SLIT3: variants seen among roughly 807,000 people sequenced by gnomAD.
SLIT3 encodes slit homolog 3 protein.
Under a neutral mutation model 184.0 loss-of-function variants are expected in SLIT3, and 68 were observed. The observed-to-expected ratio is 0.37, with a 90% CI of 0.30 to 0.45. SLIT3 has a LOEUF of 0.45. Ranked by LOEUF, SLIT3 falls within the 20% of genes least tolerant of loss-of-function variation. SLIT3 has a pLI of 1.00. For missense variants in SLIT3, 1,707 were observed against 2,026.0 expected (o/e 0.84, Z 3.02); for synonymous variants, 831 against 828.6 (o/e 1.00, Z -0.05).
chr5:168,802,536 G>A (rs113731086), intron 9 of SLIT3, among the ~76,000 whole-genome samples: 6 of 152,204 alleles, frequency 3.9e-5, no homozygotes, highest in African/African-American at 1.4e-4. Flanking sequence ...CGCAGGGGCA[G>A]TCTTATTTAC....
intron 4 of SLIT3, among the ~76,000 whole-genome samples, chr5:168,966,081 T>C (rs555678669): frequency 2.0e-5 from 3 of 152,350 alleles, no homozygotes; most frequent in South Asian, 4.1e-4. Flanking sequence ...GATTGTGAAT[T>C]TTATTACCTT....
chr5:169,224,756 G>C (rs549056062), intron 3 of SLIT3, among the ~76,000 whole-genome samples: 4 of 152,190 alleles, frequency 2.6e-5, no homozygotes, highest in African/African-American at 9.6e-5. Flanking sequence ...GTGCGATCTT[G>C]GCTCACTGCA....
Position 168,737,297 on chromosome 5 carries a change from C to A in SLIT3, c.2270+11005G>T, listed in dbSNP as rs563233233. ...ACCTCCATCCCCTAACTCCTTGGAA[C>A]CCACACAGTGCCAGGCCAGGTCCTT... On this transcript the variant is annotated intron_variant, in intron 20 of 35. Coordinates refer to ENST00000519560, the MANE Select transcript of SLIT3 (RefSeq NM_003062.4). Among the ~76,000 whole-genome samples the A allele has an allele frequency of 4.1e-4, 63 of 152,274 alleles. 1 individual carries two copies. Among genetic ancestry groups the A allele is most frequent in the African/African-American group, 1.5e-3 (61 of 41,552 alleles).
At chr5:168,957,929 A>G (rs1776945995) in intron 4 of SLIT3, among the ~76,000 whole-genome samples, 1 of 152,164 alleles carries the variant, frequency 6.6e-6, no homozygotes, top group South Asian at 2.1e-4. Flanking sequence ...AGTTTGGTTA[A>G]TGAAACATCA....
intron 4 of SLIT3, among the ~76,000 whole-genome samples, chr5:169,192,993 C>T (rs1458742401): frequency 6.6e-6 from 1 of 152,162 alleles, no homozygotes; most frequent in Non-Finnish European, 1.5e-5. Context: ...CCCACAAAAT[C>T]ATAAACCCCC....
chr5:169,048,418 A>G (rs1757698626), intron 4 of SLIT3, among the ~76,000 whole-genome samples: 1 of 152,208 alleles, frequency 6.6e-6, no homozygotes, highest in Middle Eastern at 3.2e-3. Context: ...CTTTTACTGA[A>G]TAGAGTCCTC....
chr5:168,805,018 C>T (rs556305044), intron 9 of SLIT3, among the ~76,000 whole-genome samples: 32 of 152,312 alleles, frequency 2.1e-4, no homozygotes, highest in African/African-American at 6.3e-4. Context: ...TTGGTTCTCT[C>T]GCTTATTTCA....
chr5:169,205,576 T>G (rs1401964859), intron 3 of SLIT3, among the ~76,000 whole-genome samples: 1 of 152,180 alleles, frequency 6.6e-6, no homozygotes, highest in Non-Finnish European at 1.5e-5. Context: ...TGTTGGTTAG[T>G]TGGTTGGTTC....
rs567280968 is a variant in SLIT3, at chr5:168,789,707, C to A, written c.1008-76G>T. 24 of 1,005,884 alleles carry A rather than the reference C, an allele frequency of 2.4e-5. No homozygotes were observed. The African/African-American group carries it at 3.3e-4, about 14-fold the overall frequency. The allele number at this position is 1,005,884 out of a possible 1,614,324, so 62.3% of individuals were successfully genotyped here. A position where few individuals can be genotyped will look rare whatever the true frequency, so the allele number is the denominator to read the frequency against. On this transcript the variant is annotated intron_variant, in intron 10 of 35. Transcript: ENST00000519560. ...CGGTCACTCCTAAGTGTGAATCAAG[C>A]ATTTCAGACATTCAAAATGGTAAGG...
At chr5:169,080,766 G>T (rs1330949111) in intron 4 of SLIT3, among the ~76,000 whole-genome samples, 1 of 152,136 alleles carries the variant, frequency 6.6e-6, no homozygotes, top group East Asian at 1.9e-4. Context: ...GTCCTCAGCT[G>T]GCTGCCTTTC....
intron 3 of SLIT3, among the ~76,000 whole-genome samples, chr5:169,235,738 T>C (rs1184350911): frequency 6.6e-6 from 1 of 152,236 alleles, no homozygotes; most frequent in Non-Finnish European, 1.5e-5. Context: ...AGGTATTTTT[T>C]ATGAAGTTTC....
Position 169,300,036 on chromosome 5 carries a change from G to C in SLIT3, c.197+477C>G, listed in dbSNP as rs1366990829. ...ACTCTCAACTTTCCTTGCAAGGGCA[G>C]CCAGAGAGCGGCTGGCCCATTCTGA... On this transcript the variant is annotated intron_variant, in intron 1 of 35. Transcript: ENST00000519560. The surrounding 1 kb of genome is among the most constrained non-coding windows in gnomAD (Gnocchi z 4.1). 6.6e-6 allele frequency among the ~76,000 whole-genome samples: 1 copy of C among 152,210 alleles called. No individual in the cohort carries two copies. Among genetic ancestry groups the C allele is most frequent in the Non-Finnish European group, 1.5e-5 (1 of 68,042 alleles).
chr5:169,015,442 C>A (rs182534725), intron 4 of SLIT3, among the ~76,000 whole-genome samples: 126 of 152,298 alleles, frequency 8.3e-4, no homozygotes, highest in Middle Eastern at 3.4e-3. Context: ...GACCAATATG[C>A]ATGCATTTGT....
intron 6 of SLIT3, among the ~76,000 whole-genome samples, chr5:168,835,965 AC>A (rs1758038704): frequency 1.3e-5 from 2 of 152,154 alleles, no homozygotes; most frequent in South Asian, 4.1e-4. Flanking sequence ...TCCATCCCTT[AC>A]TTTTTAATAC....
chr5:168,830,084 C>T (rs958399317), intron 6 of SLIT3, among the ~76,000 whole-genome samples: 4 of 152,148 alleles, frequency 2.6e-5, no homozygotes, highest in Non-Finnish European at 5.9e-5. Flanking sequence ...CCAGGCCCTA[C>T]GACACTCAGG....
intron 4 of SLIT3, among the ~76,000 whole-genome samples, chr5:168,927,312 A>T (rs1387783209): frequency 6.6e-6 from 1 of 152,168 alleles, no homozygotes; most frequent in Non-Finnish European, 1.5e-5. Flanking sequence ...GAGTACCTAG[A>T]GTAGCCAAAT....
chr5:169,111,640 T>A (rs139409934), intron 4 of SLIT3, among the ~76,000 whole-genome samples: 2 of 152,196 alleles, frequency 1.3e-5, no homozygotes, highest in African/African-American at 4.8e-5. Flanking sequence ...TAATCCCAGC[T>A]ACTCGGGAGG....
At chr5:168,952,550 A>AAAAAAAAAAAAAAAAAAAAAAAG (rs59047961) in intron 4 of SLIT3, among the ~76,000 whole-genome samples, 1 of 128,004 alleles carries the variant, frequency 7.8e-6, no homozygotes, top group African/African-American at 3.5e-5. Flanking sequence ...AAAAAAAAAG[A>AAAAAAAAAAAAAAAAAAAAAAAG]GGGGAGAAGG....
In SLIT3 at chr5:168,692,300, T is replaced by C. The variant is rs560514533; in HGVS notation, c.3176+307A>G. On this transcript the variant is annotated intron_variant, in intron 29 of 35. Transcript: ENST00000519560. ...GGATATGCTGAGAGTACTGGGAAGT[T>C]GGTAGGAGAGGAGAGGCAAGGAAGA... Among the ~76,000 whole-genome samples the C allele has an allele frequency of 5.3e-5, 8 of 152,244 alleles. No homozygotes were observed. In the East Asian group the frequency reaches 1.5e-3, roughly 29 times the overall value.
Sources: allele counts gnomAD v4.1 joint callset (sites outside exome capture counted in the v4.1 genomes callset), GRCh38; gene constraint gnomAD v4.1.1; non-coding constraint Gnocchi (gnomAD v3.1); transcripts MANE v1.5; gene names NCBI Gene and HGNC (gene_info 2026-07-23, HGNC 2026-07-21).